AKT3: variants seen among roughly 807,000 people sequenced by gnomAD.
AKT3 encodes RAC-gamma serine/threonine-protein kinase.
Under a neutral mutation model 65.3 loss-of-function variants are expected in AKT3, and 15 were observed. The ratio of observed to expected loss-of-function variants is 0.23; its 90% CI spans 0.15 to 0.35. The LOEUF (loss-of-function observed/expected upper bound fraction) is 0.35. Among genes scored for constraint, AKT3 ranks in the 10% least tolerant of loss-of-function variants. The pLI is 1.00. For synonymous variants in AKT3, 206 were observed against 183.8 expected (o/e 1.12, Z -0.98); for missense variants, 243 against 576.5 (o/e 0.42, Z 5.92).
At chr1:243,647,454 T>C (rs761029775) in intron 4 of AKT3, among the ~76,000 whole-genome samples, 1 of 152,240 alleles carries the variant, frequency 6.6e-6, no homozygotes, top group Non-Finnish European at 1.5e-5. Flanking sequence ...GTAGTATGTT[T>C]ACACAATGTT....
intron 13 of AKT3, among the ~76,000 whole-genome samples, chr1:243,490,873 C>T (rs1666235225): frequency 6.6e-6 from 1 of 152,250 alleles, no homozygotes; most frequent in Non-Finnish European, 1.5e-5. Flanking sequence ...GTGGGCAGGT[C>T]CCCAGGGAGG....
chr1:243,787,374 T>C (rs1241339925), intron 2 of AKT3, among the ~76,000 whole-genome samples: 5 of 152,184 alleles, frequency 3.3e-5, no homozygotes, highest in Non-Finnish European at 1.5e-5. Flanking sequence ...CAGCTCCCTC[T>C]CCAATATTTC....
At chr1:243,728,065 C>G (rs543340342) in intron 2 of AKT3, among the ~76,000 whole-genome samples, 1 of 152,292 alleles carries the variant, frequency 6.6e-6, no homozygotes, top group Non-Finnish European at 1.5e-5. Context: ...TATCAACTCC[C>G]TAAACAACTC....
chr1:243,628,864 T>C (rs963989959), intron 6 of AKT3, among the ~76,000 whole-genome samples: 7 of 152,258 alleles, frequency 4.6e-5, no homozygotes, highest in South Asian at 2.1e-4. Flanking sequence ...ATTGTTCTCC[T>C]TGCAATGATG....
At chr1:243,755,205 A>G (rs1436846775) in intron 2 of AKT3, among the ~76,000 whole-genome samples, 1 of 149,900 alleles carries the variant, frequency 6.7e-6, no homozygotes, top group Admixed American at 6.6e-5. Flanking sequence ...AGCAGTGGGG[A>G]TTACAGGCGG....
chr1:243,546,284 G>A (rs980811820), intron 11 of AKT3, among the ~76,000 whole-genome samples: 6 of 151,982 alleles, frequency 3.9e-5, no homozygotes, highest in South Asian at 2.1e-4. Context: ...TAAATTATGC[G>A]GTCTCAGGTA....
intron 8 of AKT3, among the ~76,000 whole-genome samples, chr1:243,588,069 T>C (rs142707100): frequency 2.0e-5 from 3 of 152,260 alleles, no homozygotes; most frequent in Non-Finnish European, 4.4e-5. Flanking sequence ...TGACACATTA[T>C]TGAGGAAGAA....
intron 8 of AKT3, among the ~76,000 whole-genome samples, chr1:243,592,293 T>C (rs1676288238): frequency 6.6e-6 from 1 of 150,496 alleles, no homozygotes; most frequent in Admixed American, 6.6e-5. Context: ...CCAGATCACG[T>C]CACTGCACTC....
intron 3 of AKT3, among the ~76,000 whole-genome samples, chr1:243,679,275 G>T (rs1683748394): frequency 6.6e-6 from 1 of 152,092 alleles, no homozygotes; most frequent in African/African-American, 2.4e-5. Context: ...TTAGAACAAG[G>T]ATGTTTGACT....
chr1:243,742,059 T>TAAAAAAAAAAAAAAAAAAAAAATA (rs36056068), intron 2 of AKT3, among the ~76,000 whole-genome samples: 3 of 125,530 alleles, frequency 2.4e-5, no homozygotes, highest in Non-Finnish European at 4.9e-5. Flanking sequence ...GATAGAAAAT[T>TAAAAAAAAAAAAAAAAAAAAAATA]AAAAAAAAAA....
intron 5 of AKT3, among the ~76,000 whole-genome samples, chr1:243,643,051 C>T (rs1287546947): frequency 2.0e-5 from 3 of 152,166 alleles, no homozygotes; most frequent in Non-Finnish European, 2.9e-5. Flanking sequence ...CTCTTTCTCA[C>T]GGGAAGAGGT....
At chr1:243,563,677 A>G (rs374972991) in intron 10 of AKT3, 43 bp downstream of exon 10, 3 of 1,561,486 alleles carry the variant, frequency 1.9e-6, no homozygotes, top group Non-Finnish European at 2.6e-6. Context: ...TTTGCAAATC[A>G]TTATGTCAAT....
chr1:243,656,106 G>A (rs939797519), intron 4 of AKT3, among the ~76,000 whole-genome samples: 1 of 151,218 alleles, frequency 6.6e-6, no homozygotes, highest in Non-Finnish European at 1.5e-5. Context: ...GGTGTGGCGG[G>A]GGGGTGTGGG....
chr1:243,849,436 G>A (rs1695660986), intron 1 of AKT3, among the ~76,000 whole-genome samples: 2 of 147,304 alleles, frequency 1.4e-5, no homozygotes, highest in East Asian at 2.0e-4. Context: ...GCCAGTGGCG[G>A]GGAAGGGTGG....
intron 2 of AKT3, among the ~76,000 whole-genome samples, chr1:243,832,120 T>TAAAAAAAAAAAAAAAAAAAA (rs869235352): frequency 2.2e-5 from 1 of 44,756 alleles, no homozygotes; most frequent in African/African-American, 8.0e-5. Flanking sequence ...TCCCTAAAAC[T>TAAAAAAAAAAAAAAAAAAAA]AAAAAAAAAA....
chr1:243,642,406 A>T (rs559200152), intron 5 of AKT3, among the ~76,000 whole-genome samples: 48 of 152,226 alleles, frequency 3.2e-4, no homozygotes, highest in South Asian at 2.1e-3. Flanking sequence ...GCCTCCTGAG[A>T]TCACGACATT....
intron 6 of AKT3, among the ~76,000 whole-genome samples, chr1:243,629,223 C>G (rs2147783936): frequency 6.6e-6 from 1 of 152,272 alleles, no homozygotes; most frequent in South Asian, 2.1e-4. Flanking sequence ...TTGCAGTGAG[C>G]TGAGTTTGCA....
At chr1:243,609,334 C>CTG (rs72249798) in intron 8 of AKT3, among the ~76,000 whole-genome samples, 4,274 of 148,132 alleles carry the variant, frequency 0.029, 129 homozygotes, top group African/African-American at 0.077. Context: ...TTTTCATTTT[C>CTG]TGTGTGTGTG....
chr1:243,504,635 A>T lies in AKT3; in HGVS notation c.*614T>A, dbSNP rs900430555. 7 of 170,580 alleles carry T rather than the reference A, an allele frequency of 4.1e-5. No homozygotes were observed. Among genetic ancestry groups the T allele is most frequent in the African/African-American group, 9.9e-5 (4 of 40,240 alleles). The allele number at this position is 170,580 out of a possible 1,614,324, so 10.6% of individuals were successfully genotyped here. A position where few individuals can be genotyped will look rare whatever the true frequency, so the allele number is the denominator to read the frequency against. On this transcript the variant is annotated 3_prime_UTR_variant, in exon 14 of 14. Transcript: ENST00000673466. The stretch of plus-strand genomic sequence containing the variant: ...TCCACCAGGAATTTAAAAAAAAAAA[A>T]TTATATATATATATATATATCCCAA...
Sources: allele counts gnomAD v4.1 joint callset (sites outside exome capture counted in the v4.1 genomes callset), GRCh38; gene constraint gnomAD v4.1.1; transcripts MANE v1.5; gene names NCBI Gene and HGNC (gene_info 2026-07-23, HGNC 2026-07-21).